Variants in TMEM196 observed in about 807,000 individuals in gnomAD.
TMEM196 encodes transmembrane protein 196.
In TMEM196, 17 loss-of-function variants were observed where a neutral mutation model predicts 20.0. The observed-to-expected ratio is 0.85, with a 90% confidence interval of 0.58 to 1.27. The LOEUF (loss-of-function observed/expected upper bound fraction) is 1.27, where lower values mean the gene tolerates loss of function less well. Ranked by LOEUF, TMEM196 falls within the 50% of genes most tolerant of loss-of-function variation. The probability of loss-of-function intolerance (pLI) is 0.00; values close to 1 mark genes in which losing one functional copy is unlikely to be tolerated. For synonymous variants in TMEM196, 113 were observed against 88.9 expected, an observed-to-expected ratio of 1.27 and a Z score of -1.52; for missense variants, 267 against 223.0, an observed-to-expected ratio of 1.20 and a Z score of -1.26.
At chr7:19,730,560 G>A (rs965971642) in intron 1 of TMEM196, among the ~76,000 whole-genome samples, 2 of 152,134 alleles carry the variant, frequency 1.3e-5, no homozygotes, top group African/African-American at 2.4e-5. Flanking sequence ...ATTTTTATTC[G>A]CAAAGAGAAC....
chr7:19,744,490 G>T (rs1784682312), intron 1 of TMEM196, among the ~76,000 whole-genome samples: 1 of 152,098 alleles, frequency 6.6e-6, no homozygotes, highest in African/African-American at 2.4e-5. Context: ...ACCCACAAAG[G>T]TTGCAGCAAG....
At chr7:19,756,257 C>T (rs895974457) in intron 1 of TMEM196, among the ~76,000 whole-genome samples, 2 of 151,478 alleles carry the variant, frequency 1.3e-5, no homozygotes, top group African/African-American at 4.9e-5. Context: ...TGTCATTTTT[C>T]CATGTAATCA....
In TMEM196 at chr7:19,725,729, C is replaced by T. The variant is rs1271223259; in HGVS notation, c.244G>A (p.Gly82Arg). Residue 82 changes from glycine to arginine, a missense_variant, in exon 3 of 5, where the codon GGG (glycine) becomes AGG (arginine). Physicochemically the swap from Gly to Arg is moderately radical, Grantham distance 125 (BLOSUM62 -2). Transcript: ENST00000405844. ...FSACCICGLI[G>R]GILNFQFLRA... ...AGGAACTGAAAATTCAGGATGCCCC[C>T]AATAAGTCCACAGATACAGCAGGCT... The T allele has an allele frequency of 6.2e-7, 1 of 1,612,514 alleles. No homozygotes were observed. Among genetic ancestry groups the T allele is most frequent in the Non-Finnish European group, 8.5e-7 (1 of 1,178,866 alleles).
At chr7:19,744,162 T>A (rs1159408687) in intron 1 of TMEM196, among the ~76,000 whole-genome samples, 1 of 152,188 alleles carries the variant, frequency 6.6e-6, no homozygotes, top group African/African-American at 2.4e-5. Context: ...CTGAGCCTCG[T>A]TGATTTGTGT....
chr7:19,728,293 G>C (rs1211818724), intron 2 of TMEM196, among the ~76,000 whole-genome samples: 1 of 151,900 alleles, frequency 6.6e-6, no homozygotes, highest in East Asian at 1.9e-4. Context: ...TAGTCATAAA[G>C]AGTCTTCGTA....
chr7:19,750,683 C>A (rs1784925819), intron 1 of TMEM196, among the ~76,000 whole-genome samples: 1 of 152,114 alleles, frequency 6.6e-6, no homozygotes, highest in East Asian at 1.9e-4. Flanking sequence ...AAACAAGTAC[C>A]ATTCATTATG....
At chr7:19,764,923 G>A (rs141877783) in intron 1 of TMEM196, among the ~76,000 whole-genome samples, 138 of 152,218 alleles carry the variant, frequency 9.1e-4, no homozygotes, top group Middle Eastern at 3.4e-3. Flanking sequence ...AGGCCTCAGC[G>A]AAAGTTTTTC....
chr7:19,765,972 G>T (rs1785610941), intron 1 of TMEM196, among the ~76,000 whole-genome samples: 1 of 152,128 alleles, frequency 6.6e-6, no homozygotes, highest in African/African-American at 2.4e-5. Context: ...GGGAGGCAAG[G>T]AGCAGCACAG....
chr7:19,769,752 A>C (rs370028464), intron 1 of TMEM196, among the ~76,000 whole-genome samples: 1 of 152,342 alleles, frequency 6.6e-6, no homozygotes, highest in East Asian at 1.9e-4. Flanking sequence ...ACAGTATAAC[A>C]ACTATTTACA....
intron 1 of TMEM196, among the ~76,000 whole-genome samples, chr7:19,746,743 C>CA (rs756722393): frequency 2.0e-5 from 3 of 152,216 alleles, no homozygotes; most frequent in Non-Finnish European, 4.4e-5. Context: ...TTGGCATCCA[C>CA]ATACAAATTT....
At chr7:19,752,193 A>C (rs536072574) in intron 1 of TMEM196, among the ~76,000 whole-genome samples, 5 of 152,332 alleles carry the variant, frequency 3.3e-5, no homozygotes, top group Admixed American at 2.6e-4. Flanking sequence ...TTTGCAATTC[A>C]GTGTGCATGT....
Position 19,740,214 on chromosome 7 carries a change from A to G in TMEM196, c.148-10776T>C, listed in dbSNP as rs570705066. Among the ~76,000 whole-genome samples the G allele has an allele frequency of 5.4e-4, 83 of 152,332 alleles. 1 individual carries two copies. The South Asian group carries it at 0.017, about 32-fold the overall frequency. Reference sequence around the variant, plus strand: ...TATTCACTGATATGGAGAGTTCTCCAACACATATAGTTAAGGGAAAAAAGC... The same window carrying G: ...TATTCACTGATATGGAGAGTTCTCCGACACATATAGTTAAGGGAAAAAAGC... On this transcript the variant is annotated intron_variant, in intron 1 of 4. Coordinates refer to ENST00000405844, the MANE Select transcript of TMEM196 (RefSeq NM_001363562.2).
At position 19,772,638 on chromosome 7, in the gene TMEM196, C is replaced by G; in HGVS notation, c.59G>C (p.Gly20Ala). ...SLLVLSVLEI[G>A]LGVSSVAVGA... ...CACGGCCACGCTGGACACCCCCAGC[C>G]CTATCTCCAGCACGGAGAGCACCAA... is the stretch of plus-strand genomic sequence containing the variant. The change falls in exon 1 of 5, where the codon GGG becomes GCG. Residue 20 changes from glycine to alanine, a missense_variant. Physicochemically the swap from Gly to Ala is moderately conservative, Grantham distance 60. Coordinates refer to ENST00000405844, the MANE Select transcript of TMEM196 (RefSeq NM_001363562.2). 6.5e-7 allele frequency: 1 copy of G among 1,547,072 alleles called. No homozygotes were observed. Among genetic ancestry groups the G allele is most frequent in the Non-Finnish European group, 8.7e-7 (1 of 1,145,672 alleles).
intron 1 of TMEM196, among the ~76,000 whole-genome samples, chr7:19,758,768 C>G (rs1340470922): frequency 6.6e-6 from 1 of 152,158 alleles, no homozygotes; most frequent in African/African-American, 2.4e-5. Context: ...GCTAGAGTCT[C>G]AGGCTACACA....
chr7:19,771,278 CTTA>C (rs1021816711), intron 1 of TMEM196, among the ~76,000 whole-genome samples: 7 of 152,024 alleles, frequency 4.6e-5, no homozygotes, highest in African/African-American at 7.2e-5. Context: ...CTGATAGTAA[CTTA>C]TTATTGAATT....
rs1366829590 is a variant in TMEM196 at position 19,719,431 on chromosome 7, A to G, written c.*2697T>C. 2 of 151,864 alleles carry G rather than the reference A, an allele frequency of 1.3e-5. No individual in the cohort carries two copies. The highest frequency in any genetic ancestry group is 2.4e-5 in the African/African-American group (1 of 41,434). The allele number at this position is 151,864 out of a possible 1,614,324, so 9.4% of individuals were successfully genotyped here. ...CATATGTGTATGTATATGCATATAT[A>G]TACACACATACACATATATGTTTAA... On this transcript the variant is annotated 3_prime_UTR_variant, in exon 5 of 5. Transcript: ENST00000405844.
At chr7:19,729,242 G>A (rs1031725991) in intron 2 of TMEM196, 140 bp downstream of exon 2, 62 of 598,222 alleles carry the variant, frequency 1.0e-4, no homozygotes, top group Non-Finnish European at 1.4e-4. Context: ...AGAAAAGGCA[G>A]GATTTATTTG....
chr7:19,739,578 C>A (rs1202684869), intron 1 of TMEM196, among the ~76,000 whole-genome samples: 1 of 152,010 alleles, frequency 6.6e-6, no homozygotes. Flanking sequence ...AATCTCTGGG[C>A]AGCCTGGGGA....
At chr7:19,762,308 A>G (rs2128038030) in intron 1 of TMEM196, among the ~76,000 whole-genome samples, 1 of 152,208 alleles carries the variant, frequency 6.6e-6, no homozygotes, top group Middle Eastern at 3.4e-3. Flanking sequence ...AAATATAATG[A>G]ATAAATAAAT....
Sources: allele counts gnomAD v4.1 joint callset (sites outside exome capture counted in the v4.1 genomes callset), GRCh38; gene constraint gnomAD v4.1.1; transcripts MANE v1.5; gene names NCBI Gene and HGNC (gene_info 2026-07-23, HGNC 2026-07-21).